The following PLCB1 variants were observed in gnomAD, a reference collection of about 807,000 sequenced individuals.
The protein encoded by PLCB1 is phospholipase C beta 1.
A neutral mutation model predicts 161.8 loss-of-function variants in PLCB1; 46 were observed. The observed-to-expected ratio is 0.28, with a 90% CI of 0.22 to 0.36. The LOEUF (loss-of-function observed/expected upper bound fraction) is 0.36, where lower values mean the gene tolerates loss of function less well. Ranked by LOEUF, PLCB1 falls within the 10% of genes least tolerant of loss-of-function variation. PLCB1 has a pLI of 1.00. For missense variants in PLCB1, 1,016 were observed against 1,472.5 expected (o/e 0.69, Z 5.07); for synonymous variants, 517 against 503.7 (o/e 1.03, Z -0.35).
At chr20:8,218,157 G>T (rs923019366) in intron 2 of PLCB1, among the ~76,000 whole-genome samples, 3 of 152,086 alleles carry the variant, frequency 2.0e-5, no homozygotes, top group African/African-American at 7.2e-5. Context: ...TGTGTTAGGG[G>T]CATGTGCAGT....
At chr20:8,190,064 C>T (rs2051950862) in intron 2 of PLCB1, among the ~76,000 whole-genome samples, 1 of 152,094 alleles carries the variant, frequency 6.6e-6, no homozygotes, top group Non-Finnish European at 1.5e-5. Flanking sequence ...CATCCCCTGA[C>T]ATATAAATAT....
intron 26 of PLCB1, among the ~76,000 whole-genome samples, chr20:8,772,740 C>T (rs528012158): frequency 1.5e-3 from 225 of 152,184 alleles, no homozygotes; most frequent in African/African-American, 4.9e-3. Flanking sequence ...TGAGACCAGC[C>T]TGACCAACAT....
intron 2 of PLCB1, among the ~76,000 whole-genome samples, chr20:8,227,385 C>T (rs995485447): frequency 6.6e-6 from 1 of 152,132 alleles, no homozygotes; most frequent in Non-Finnish European, 1.5e-5. Flanking sequence ...ATTTGTCTTC[C>T]ACTCAACCAG....
intron 23 of PLCB1, among the ~76,000 whole-genome samples, chr20:8,753,952 G>T (rs965553077): frequency 2.0e-5 from 3 of 152,062 alleles, no homozygotes; most frequent in Non-Finnish European, 4.4e-5. Flanking sequence ...AGTGTGAATA[G>T]TATCCTTAGG....
chr20:8,248,499 C>A (rs1980991588), intron 2 of PLCB1, among the ~76,000 whole-genome samples: 1 of 151,844 alleles, frequency 6.6e-6, no homozygotes, highest in African/African-American at 2.4e-5. Context: ...GAGCACAGAC[C>A]CTGCAAAAGG....
intron 2 of PLCB1, among the ~76,000 whole-genome samples, chr20:8,204,720 T>C (rs910330161): frequency 3.3e-5 from 5 of 152,146 alleles, no homozygotes; most frequent in Admixed American, 1.3e-4. Context: ...CAATTAAGCC[T>C]CTTTTCTTTA....
At chr20:8,778,756 A>T (rs1037071090) in intron 27 of PLCB1, among the ~76,000 whole-genome samples, 7 of 152,230 alleles carry the variant, frequency 4.6e-5, no homozygotes, top group African/African-American at 1.7e-4. Flanking sequence ...CACCTATCCC[A>T]GCCTTGTTAG....
intron 7 of PLCB1, among the ~76,000 whole-genome samples, chr20:8,656,108 G>A (rs1246294089): frequency 6.6e-6 from 1 of 152,036 alleles, no homozygotes; most frequent in African/African-American, 2.4e-5. Flanking sequence ...AGTAGCCCAA[G>A]TTATAATGAT....
chr20:8,766,630 A>G (rs550649025), intron 26 of PLCB1, among the ~76,000 whole-genome samples: 2 of 152,234 alleles, frequency 1.3e-5, no homozygotes, highest in Admixed American at 6.5e-5. Flanking sequence ...TCGAACGTGC[A>G]ATAAGATTCT....
intron 3 of PLCB1, among the ~76,000 whole-genome samples, chr20:8,458,400 C>T (rs190216568): frequency 1.3e-4 from 20 of 152,310 alleles, no homozygotes; most frequent in Admixed American, 9.8e-4. Flanking sequence ...ATTCCCTCCT[C>T]ATCCATCTTA....
chr20:8,359,955 G>C (rs1986484405), intron 2 of PLCB1, among the ~76,000 whole-genome samples: 1 of 152,178 alleles, frequency 6.6e-6, no homozygotes, highest in African/African-American at 2.4e-5. Flanking sequence ...TTTGGATCCT[G>C]TTCTCTGAAC....
intron 19 of PLCB1, among the ~76,000 whole-genome samples, chr20:8,736,813 T>C (rs1207757552): frequency 6.6e-6 from 1 of 152,172 alleles, no homozygotes; most frequent in Non-Finnish European, 1.5e-5. Flanking sequence ...AGGATTACAA[T>C]TCAACATGAG....
At chr20:8,170,507 GA>G (rs796675973) in intron 2 of PLCB1, among the ~76,000 whole-genome samples, 1 of 151,542 alleles carries the variant, frequency 6.6e-6, no homozygotes, top group Non-Finnish European at 1.5e-5. Context: ...AGGTCTGAGT[GA>G]AAAAAAAGAG....
intron 3 of PLCB1, among the ~76,000 whole-genome samples, chr20:8,613,447 A>G (rs1987957924): frequency 6.6e-6 from 1 of 152,290 alleles, no homozygotes; most frequent in South Asian, 2.1e-4. Context: ...CTTTTGCTGT[A>G]TTTGAACTTA....
At chr20:8,416,455 A>C (rs962931595) in intron 3 of PLCB1, among the ~76,000 whole-genome samples, 6 of 152,210 alleles carry the variant, frequency 3.9e-5, no homozygotes, top group African/African-American at 1.4e-4. Flanking sequence ...CTGTCCTTGA[A>C]AATCAAAGAG....
chr20:8,716,836 G>A (rs571789480), intron 13 of PLCB1, among the ~76,000 whole-genome samples: 4 of 152,164 alleles, frequency 2.6e-5, no homozygotes, highest in Admixed American at 6.6e-5. Context: ...CTTTGGGAAG[G>A]AAAGCAGCAG....
chr20:8,133,198 A>C lies in PLCB1; in HGVS notation c.99+448A>C, dbSNP rs962166110. 3.3e-5 allele frequency among the ~76,000 whole-genome samples: 5 copies of C among 152,106 alleles called. No homozygotes were observed. The East Asian group carries it at 5.8e-4, about 18-fold the overall frequency. ...AAGAAGGAAGGACCTGAAGTTCAAA[A>C]CACTTTAGTGATTGCGAACCCTCTT... On this transcript the variant is annotated intron_variant, in intron 1 of 31. Coordinates refer to ENST00000338037, the MANE Select transcript of PLCB1 (RefSeq NM_015192.4).
intron 2 of PLCB1, among the ~76,000 whole-genome samples, chr20:8,250,113 A>G (rs1455575913): frequency 6.6e-6 from 1 of 151,944 alleles, no homozygotes; most frequent in Non-Finnish European, 1.5e-5. Flanking sequence ...CAGCTGCAAA[A>G]TCAAACACAC....
intron 3 of PLCB1, among the ~76,000 whole-genome samples, chr20:8,600,425 C>G (rs1436750928): frequency 6.9e-6 from 1 of 145,228 alleles, no homozygotes. Context: ...GGTCAGGGGT[C>G]AGGGACCCAC....
Sources: gnomAD v4.1 joint callset for allele counts (sites outside exome capture counted in the v4.1 genomes callset) on GRCh38, gnomAD v4.1.1 for gene constraint, MANE v1.5 for transcripts, NCBI Gene and HGNC (gene_info 2026-07-23, HGNC 2026-07-21) for gene names.